Variants in NINL observed in about 807,000 individuals in gnomAD.
The protein encoded by NINL is ninein like.
Under a neutral mutation model 160.3 loss-of-function variants are expected in NINL, and 153 were observed. That is an observed-to-expected ratio of 0.95 (90% CI 0.84 to 1.09). The LOEUF is 1.09. Among genes scored for constraint, NINL ranks in the 50% least tolerant of loss-of-function variants. The probability of loss-of-function intolerance (pLI) is 0.00; values close to 1 mark genes in which losing one functional copy is unlikely to be tolerated. For missense variants in NINL, 1,829 were observed against 1,764.0 expected, an observed-to-expected ratio of 1.04 and a Z score of -0.66; for synonymous variants, 800 against 734.8, an observed-to-expected ratio of 1.09 and a Z score of -1.43.
At chr20:25,526,991 C>A (rs1217438822) in intron 1 of NINL, among the ~76,000 whole-genome samples, 1 of 152,144 alleles carries the variant, frequency 6.6e-6, no homozygotes, top group Non-Finnish European at 1.5e-5. Context: ...GACAGTGCCA[C>A]TGTTCTTCAG....
intron 7 of NINL, among the ~76,000 whole-genome samples, chr20:25,501,759 A>T (rs2063872084): frequency 6.6e-6 from 1 of 152,100 alleles, no homozygotes; most frequent in African/African-American, 2.4e-5. Flanking sequence ...CAGCCTCCCA[A>T]GTAGCTGGGA....
intron 13 of NINL, among the ~76,000 whole-genome samples, chr20:25,485,477 A>G (rs2063487860): frequency 6.6e-6 from 1 of 152,242 alleles, no homozygotes; most frequent in Non-Finnish European, 1.5e-5. Flanking sequence ...GGAAGTGCAC[A>G]CAAGCACTGG....
chr20:25,497,601 G>A (rs965270355), intron 9 of NINL, among the ~76,000 whole-genome samples: 4 of 152,240 alleles, frequency 2.6e-5, no homozygotes, highest in African/African-American at 4.8e-5. Context: ...CTTAGCAGAC[G>A]GATGGCCTGA....
At chr20:25,553,392 G>C (rs2064828259) in intron 1 of NINL, among the ~76,000 whole-genome samples, 1 of 152,164 alleles carries the variant, frequency 6.6e-6, no homozygotes, top group South Asian at 2.1e-4. Context: ...CCAGTACTGA[G>C]GATGCACACA....
intron 1 of NINL, among the ~76,000 whole-genome samples, chr20:25,560,023 C>G (rs149715475): frequency 6.6e-6 from 1 of 152,206 alleles, no homozygotes; most frequent in Non-Finnish European, 1.5e-5. Flanking sequence ...GCCTTAACCT[C>G]CTGGGTTCAA....
chr20:25,466,207 A>C (rs1228261866), intron 19 of NINL, among the ~76,000 whole-genome samples: 1 of 151,664 alleles, frequency 6.6e-6, no homozygotes, highest in Admixed American at 6.6e-5. Context: ...TTTTTTGTAG[A>C]GATGGGGTTT....
rs150238248 is a variant in NINL at position 25,476,925 on chromosome 20, G to A, written c.2366C>T (p.Pro789Leu). The A allele has an allele frequency of 3.4e-5, 55 of 1,612,370 alleles. No individual in the cohort carries two copies. In the African/African-American group the frequency reaches 6.9e-4, roughly 20 times the overall value. The change falls in exon 17 of 24, where the codon CCC (proline) becomes CTC (leucine). Residue 789 changes from proline to leucine, a missense_variant. Pro to Leu is a moderately conservative substitution (Grantham distance 98). Coordinates refer to ENST00000278886, the MANE Select transcript of NINL (RefSeq NM_025176.6). ...CTGGGCGCGCTTCTCGCTCGCACAGGGCTGCAGCTTCAGTGCCCTCTCCAG... is the reference window on the plus strand; with the variant it reads ...CTGGGCGCGCTTCTCGCTCGCACAGAGCTGCAGCTTCAGTGCCCTCTCCAG... The part of the protein sequence containing the change: ...LELERALKLQ[P>L]CASEKRAQMC...
chr20:25,567,176 G>A (rs1288357704), intron 1 of NINL, among the ~76,000 whole-genome samples: 1 of 152,100 alleles, frequency 6.6e-6, no homozygotes, highest in Admixed American at 6.6e-5. Flanking sequence ...GTAGAGGAAA[G>A]AATCAACGAG....
intron 13 of NINL, among the ~76,000 whole-genome samples, chr20:25,483,506 G>C (rs1467918861): frequency 6.6e-6 from 1 of 152,272 alleles, no homozygotes; most frequent in Non-Finnish European, 1.5e-5. Context: ...GGGTTCTGCA[G>C]CTTTAACTAC....
intron 1 of NINL, among the ~76,000 whole-genome samples, chr20:25,543,568 G>C (rs2064695619): frequency 6.6e-6 from 1 of 152,190 alleles, no homozygotes. Flanking sequence ...AAAAGGACCA[G>C]AGGCTACTCA....
At chr20:25,507,711 G>A (rs2063990098) in intron 5 of NINL, among the ~76,000 whole-genome samples, 1 of 152,208 alleles carries the variant, frequency 6.6e-6, no homozygotes, top group African/African-American at 2.4e-5. Context: ...AAGCCAGACT[G>A]TGTGCTCACA....
intron 17 of NINL, among the ~76,000 whole-genome samples, chr20:25,475,278 ACCT>A (rs2063204371): frequency 6.6e-6 from 1 of 151,806 alleles, no homozygotes; most frequent in South Asian, 2.1e-4. Context: ...AAACAAAAAA[ACCT>A]CCTAACAAAG....
chr20:25,512,628 G>A (rs1001749090), intron 4 of NINL, among the ~76,000 whole-genome samples: 2 of 152,162 alleles, frequency 1.3e-5, no homozygotes, highest in Admixed American at 1.3e-4. Context: ...AGAGAACCCT[G>A]TGTCCAGGAC....
chr20:25,485,490 C>T (rs146728676), intron 13 of NINL, among the ~76,000 whole-genome samples: 16 of 152,300 alleles, frequency 1.1e-4, no homozygotes, highest in East Asian at 3.9e-4. Flanking sequence ...AGCACTGGGC[C>T]GTGAAGGGTC....
intron 10 of NINL, among the ~76,000 whole-genome samples, chr20:25,495,720 C>T (rs1041076993): frequency 6.6e-6 from 1 of 152,242 alleles, no homozygotes; most frequent in Non-Finnish European, 1.5e-5. Flanking sequence ...TCAGCCCAGG[C>T]AGACATGTGC....
chr20:25,533,238 G>C (rs1283654789), intron 1 of NINL, among the ~76,000 whole-genome samples: 1 of 152,170 alleles, frequency 6.6e-6, no homozygotes, highest in Non-Finnish European at 1.5e-5. Flanking sequence ...TGGAGCCGAT[G>C]ATGCCAGGCG....
intron 10 of NINL, among the ~76,000 whole-genome samples, chr20:25,492,316 A>G (rs569335489): frequency 6.6e-6 from 1 of 152,364 alleles, no homozygotes; most frequent in South Asian, 2.1e-4. Flanking sequence ...TTAAAGCTAC[A>G]TATTTCCTAT....
intron 17 of NINL, among the ~76,000 whole-genome samples, chr20:25,471,450 C>G (rs2063092136): frequency 2.0e-5 from 3 of 152,152 alleles, no homozygotes; most frequent in African/African-American, 7.2e-5. Flanking sequence ...CACTCTGGCT[C>G]TAGAATGGAG....
intron 7 of NINL, among the ~76,000 whole-genome samples, chr20:25,503,559 C>T (rs1190136005): frequency 6.6e-6 from 1 of 151,646 alleles, no homozygotes; most frequent in Non-Finnish European, 1.5e-5. Context: ...GAGGTGGGCA[C>T]CTGAGCAGCA....
Sources: allele counts gnomAD v4.1 joint callset (sites outside exome capture counted in the v4.1 genomes callset), GRCh38; gene constraint gnomAD v4.1.1; transcripts MANE v1.5; gene names NCBI Gene and HGNC (gene_info 2026-07-23, HGNC 2026-07-21).